Variants in NEDD9 observed in about 807,000 individuals in gnomAD.
NEDD9 encodes neural precursor cell expressed, developmentally down-regulated 9.
In NEDD9, 26 loss-of-function variants were observed where a neutral mutation model predicts 76.6. The ratio of observed to expected loss-of-function variants is 0.34; its 90% CI spans 0.25 to 0.47. The LOEUF is 0.47. NEDD9 is among the 20% of genes least tolerant of loss of function. The probability of loss-of-function intolerance (pLI) is 1.00; values close to 1 mark genes in which losing one functional copy is unlikely to be tolerated. For synonymous variants in NEDD9, 392 were observed against 414.2 expected, an observed-to-expected ratio of 0.95 and a Z score of 0.65; for missense variants, 937 against 1,058.5, an observed-to-expected ratio of 0.89 and a Z score of 1.59.
Position 11,291,569 on chromosome 6 carries a change from C to T in NEDD9, c.12+14423G>A, listed in dbSNP as rs942527175. ...GATTACAGGCGTGAGCCACCGCGCC[C>T]GGCCAGAATGAGATTTTTAACACGA... On this transcript the variant is annotated intron_variant, in intron 3 of 3. Coordinates refer to the NEDD9 transcript ENST00000397378. Among the ~76,000 whole-genome samples the T allele has an allele frequency of 3.3e-5, 5 of 152,126 alleles. No individual in the cohort carries two copies. The East Asian group carries it at 9.6e-4, about 29-fold the overall frequency.
intron 1 of NEDD9, among the ~76,000 whole-genome samples, chr6:11,363,553 A>G (rs2113557324): frequency 6.6e-6 from 1 of 152,304 alleles, no homozygotes; most frequent in African/African-American, 2.4e-5. Context: ...GTTTAACCTG[A>G]GAAAGAAGCA....
At chr6:11,338,738 A>G (rs960150091) in intron 1 of NEDD9, among the ~76,000 whole-genome samples, 1 of 152,134 alleles carries the variant, frequency 6.6e-6, no homozygotes, top group Admixed American at 6.5e-5. Context: ...CCTGGCCAAC[A>G]TGGTGAAACC....
At chr6:11,345,208 T>C (rs902036654) in intron 1 of NEDD9, among the ~76,000 whole-genome samples, 1 of 152,088 alleles carries the variant, frequency 6.6e-6, no homozygotes, top group Non-Finnish European at 1.5e-5. Flanking sequence ...CAAGGGAATA[T>C]CAAAGATAAC....
chr6:11,284,271 T>C (rs77226489), intron 3 of NEDD9, among the ~76,000 whole-genome samples: 12,721 of 151,668 alleles, frequency 0.084, 631 homozygotes, highest in African/African-American at 0.15. Flanking sequence ...ACCTACTGGC[T>C]GGGCGCAGTG....
chr6:11,375,541 T>A (rs1762956219), intron 1 of NEDD9, among the ~76,000 whole-genome samples: 1 of 152,172 alleles, frequency 6.6e-6, no homozygotes, highest in South Asian at 2.1e-4. Context: ...AGGTGGGGCC[T>A]AGTAGGAGGT....
intron 1 of NEDD9, among the ~76,000 whole-genome samples, chr6:11,338,158 C>T (rs549867058): frequency 6.6e-6 from 1 of 152,188 alleles, no homozygotes; most frequent in South Asian, 2.1e-4. Flanking sequence ...CTAGAGCACA[C>T]CCCTAATCCA....
In NEDD9 at chr6:11,190,519, T is replaced by C. The variant is rs1294658209; in HGVS notation, c.1350A>G (p.Thr450=). 9 of 1,614,102 alleles carry C rather than the reference T, an allele frequency of 5.6e-6. No individual in the cohort carries two copies. Among genetic ancestry groups the C allele is most frequent in the Non-Finnish European group, 7.6e-6 (9 of 1,180,050 alleles). ...GGAACAGCTCCACCTTGTCCACTGC[T>C]GTGCGTATTTCATTGATGTGTCTTT... ...YMERHINEIR[T]AVDKVELFLK... is the part of the protein sequence containing the mutation. Residue 450 remains threonine, a synonymous_variant, in exon 5 of 7, where the codon ACA becomes ACG. Transcript: ENST00000379446. The surrounding 1 kb of genome is among the most constrained non-coding windows in gnomAD (Gnocchi z 5.8).
intron 1 of NEDD9, among the ~76,000 whole-genome samples, chr6:11,342,437 AG>A (rs551769102): frequency 6.6e-6 from 1 of 152,214 alleles, no homozygotes; most frequent in Non-Finnish European, 1.5e-5. Flanking sequence ...CCAAAGAAAA[AG>A]ACACATACAG....
intron 2 of NEDD9, chr6:11,200,072 G>T (rs1758403946): frequency 4.5e-6 from 1 of 224,642 alleles, no homozygotes; most frequent in Admixed American, 5.1e-5. Context: ...TGCTTTTCAA[G>T]CCTGGGGGCA....
intron 2 of NEDD9, among the ~76,000 whole-genome samples, chr6:11,319,796 TCA>T (rs1435865057): frequency 1.3e-5 from 2 of 148,974 alleles, no homozygotes; most frequent in Admixed American, 6.7e-5. Flanking sequence ...ACATGCACAC[TCA>T]CACACTGGTG....
intron 3 of NEDD9, among the ~76,000 whole-genome samples, chr6:11,280,475 C>T (rs919120848): frequency 6.6e-6 from 1 of 152,254 alleles, no homozygotes; most frequent in South Asian, 2.1e-4. Flanking sequence ...GAGTGGCTGG[C>T]CCCCACCATG....
chr6:11,204,732 A>G (rs1758552240), intron 2 of NEDD9, among the ~76,000 whole-genome samples: 1 of 150,494 alleles, frequency 6.6e-6, no homozygotes, highest in African/African-American at 2.4e-5. Flanking sequence ...AAAAAAAAAA[A>G]AAAAAGAAAG....
In NEDD9 at chr6:11,185,408, T is replaced by C. The variant is rs1581938630; in HGVS notation, c.2259A>G (p.Ala753=). The C allele has an allele frequency of 6.2e-7, 1 of 1,614,242 alleles. No individual in the cohort carries two copies. The highest frequency in any genetic ancestry group is 1.1e-5 in the South Asian group (1 of 91,086). The change falls in exon 7 of 7, where the codon GCA becomes GCG. Residue 753 remains alanine (A), a synonymous_variant. Transcript: ENST00000379446. ...VAHSKFVILS[A]HKLVFIGDTL... is the part of the protein sequence containing the mutation. ...TGTCTCCAATGAACACCAGTTTGTGTGCACTGAGGATGACAAACTTGCTGT... is the reference window on the plus strand; with the variant it reads ...TGTCTCCAATGAACACCAGTTTGTGCGCACTGAGGATGACAAACTTGCTGT...
chr6:11,211,127 A>T (rs1758777973), intron 2 of NEDD9, among the ~76,000 whole-genome samples: 1 of 152,350 alleles, frequency 6.6e-6, no homozygotes, highest in African/African-American at 2.4e-5. Context: ...TTTGCTAAAC[A>T]GAAAATGTTC....
intron 1 of NEDD9, among the ~76,000 whole-genome samples, chr6:11,377,003 G>T (rs1054353226): frequency 5.3e-5 from 8 of 152,348 alleles, no homozygotes; most frequent in East Asian, 3.9e-4. Context: ...CAAGCCATAA[G>T]CCTTGGTGAT....
chr6:11,186,173 T>C (rs530573015), intron 6 of NEDD9, among the ~76,000 whole-genome samples: 1 of 152,300 alleles, frequency 6.6e-6, no homozygotes, highest in East Asian at 1.9e-4. Context: ...TCATGACCCC[T>C]TTCTGTTTAT....
At position 11,185,114 on chromosome 6, in the gene NEDD9, T is replaced by G. The variant is rs753576830; in HGVS notation, c.*48A>C. The G allele has an allele frequency of 5.2e-6, 8 of 1,539,564 alleles. No homozygotes were observed. In the African/African-American group the frequency reaches 8.3e-5, roughly 16 times the overall value. Reference sequence around the variant, plus strand: ...TACAAAAACCAGACAGTATTTCCAGTTTTCCTTAGTAACCGTTAACGCAGT... The same window carrying G: ...TACAAAAACCAGACAGTATTTCCAGGTTTCCTTAGTAACCGTTAACGCAGT... On this transcript the variant is annotated 3_prime_UTR_variant, in exon 7 of 7. Coordinates refer to ENST00000379446, the MANE Select transcript of NEDD9 (RefSeq NM_006403.4).
rs191965736 is a variant in NEDD9 at position 11,340,137 on chromosome 6, C to T, written c.-213-5576G>A. Among the ~76,000 whole-genome samples, 21 of 152,332 alleles carry T rather than the reference C, an allele frequency of 1.4e-4. No homozygotes were observed. The East Asian group carries it at 3.7e-3, about 27-fold the overall frequency. ...TCTCAATAGTCTTCAAAGATCTCCT[C>T]AGCCTGAATGAATAACGCCTCAGCC... is the stretch of plus-strand genomic sequence containing the variant. On this transcript the variant is annotated intron_variant, in intron 1 of 3. Transcript: ENST00000397378.
intron 3 of NEDD9, among the ~76,000 whole-genome samples, chr6:11,244,263 ACACACACACACACGTGTGTGCACG>A (rs1759766273): frequency 1.3e-5 from 2 of 151,358 alleles, no homozygotes; most frequent in African/African-American, 4.9e-5. Flanking sequence ...TTCTCTTTAC[ACACACACACACACGTGTGTGCACG>A]CACACACACA....
Sources: gnomAD v4.1 joint callset for allele counts (sites outside exome capture counted in the v4.1 genomes callset) on GRCh38, gnomAD v4.1.1 for gene constraint, Gnocchi (gnomAD v3.1) non-coding constraint, MANE v1.5 for transcripts, NCBI Gene and HGNC (gene_info 2026-07-23, HGNC 2026-07-21) for gene names.